The following COL4A5 variants were observed in gnomAD, a reference collection of about 807,000 sequenced individuals.
COL4A5 encodes the protein collagen type IV alpha 5 chain, also known as collagen alpha-5(IV) chain.
COL4A5 carries 26 observed loss-of-function variants against 130.2 expected under a neutral mutation model. The observed-to-expected ratio is 0.20, with a 90% CI of 0.15 to 0.28. The LOEUF is 0.28. COL4A5 is among the 10% of genes least tolerant of loss of function. The pLI, the probability that COL4A5 is intolerant of heterozygous loss-of-function variation, is 1.00. For missense variants in COL4A5, 1,131 were observed against 1,344.3 expected, an observed-to-expected ratio of 0.84 and a Z score of 2.48; for synonymous variants, 496 against 439.6, an observed-to-expected ratio of 1.13 and a Z score of -1.60.
Position 108,680,768 on chromosome X carries a change from T to A in COL4A5, c.4015+17T>A, listed in dbSNP as rs1443183679. On this transcript the variant is annotated intron_variant, in intron 45 of 52. Coordinates refer to ENST00000328300, the MANE Select transcript of COL4A5 (RefSeq NM_033380.3). ...GATTCCCAGGTATTTGAAGGGATTTTTGTGGTTTCCCTTTATATTAAACTC... is the reference window on the plus strand; with the variant it reads ...GATTCCCAGGTATTTGAAGGGATTTATGTGGTTTCCCTTTATATTAAACTC... 8.3e-7 allele frequency: 1 copy of A among 1,200,650 alleles called. No homozygotes were observed. Among genetic ancestry groups the A allele is most frequent in the Non-Finnish European group, 1.1e-6 (1 of 887,209 alleles).
At chrX:108,546,353 C>A (rs2065654052) in intron 2 of COL4A5, among the ~76,000 whole-genome samples, 1 of 111,658 alleles carries the variant, frequency 9.0e-6, no homozygotes, top group East Asian at 2.8e-4. Flanking sequence ...GATTTTATTT[C>A]TTCTTCACTT....
chrX:108,589,008 C>T (rs865989250), intron 19 of COL4A5, among the ~76,000 whole-genome samples: 32 of 111,126 alleles, frequency 2.9e-4, no homozygotes, highest in Admixed American at 2.9e-4. Flanking sequence ...ATGAGAATAG[C>T]GGTAGGATGC....
intron 30 of COL4A5, among the ~76,000 whole-genome samples, chrX:108,619,579 T>C (rs941637333): frequency 8.9e-6 from 1 of 112,104 alleles, no homozygotes; most frequent in Admixed American, 9.5e-5. Context: ...TGTCATTTTT[T>C]TTCTGTAAAA....
chrX:108,484,220 C>G (rs1312589173), intron 1 of COL4A5, among the ~76,000 whole-genome samples: 3 of 111,796 alleles, frequency 2.7e-5, no homozygotes, highest in African/African-American at 9.7e-5. Context: ...ATTATGAATT[C>G]CTTCTCTGTG....
At chrX:108,635,948 T>C (rs1243835841) in intron 36 of COL4A5, among the ~76,000 whole-genome samples, 1 of 112,008 alleles carries the variant, frequency 8.9e-6, no homozygotes, top group Non-Finnish European at 1.9e-5. Context: ...GATGCAAAGA[T>C]GGGACAATAA....
chrX:108,546,108 A>C (rs897393120), intron 2 of COL4A5, among the ~76,000 whole-genome samples: 2 of 111,893 alleles, frequency 1.8e-5, no homozygotes, highest in Admixed American at 1.9e-4. Flanking sequence ...GCCCATTTAC[A>C]TTCAATGTTA....
intron 2 of COL4A5, among the ~76,000 whole-genome samples, chrX:108,556,369 A>G (rs768859489): frequency 9.0e-6 from 1 of 111,385 alleles, no homozygotes; most frequent in Admixed American, 9.6e-5. Context: ...TCAAGTGAAG[A>G]TGTTTCAGAC....
intron 1 of COL4A5, among the ~76,000 whole-genome samples, chrX:108,458,202 T>C (rs775968542): frequency 1.1e-3 from 127 of 112,175 alleles, no homozygotes; most frequent in Non-Finnish European, 1.9e-3. Context: ...TTTTATAGTT[T>C]TTGCTTTTGA....
Position 108,697,512 on chromosome X carries a change from T to C in COL4A5, c.*1134T>C, listed in dbSNP as rs375602334. On this transcript the variant is annotated 3_prime_UTR_variant, in exon 53 of 53. Coordinates refer to ENST00000328300, the MANE Select transcript of COL4A5 (RefSeq NM_033380.3). The stretch of plus-strand genomic sequence containing the variant: ...ACTTAATGTTTTTTAAACCCACCAA[T>C]ATAAATTTAATTAAAGATATATGTT... 9.0e-6 allele frequency: 1 copy of C among 111,203 alleles called. No individual in the cohort carries two copies. The highest frequency in any genetic ancestry group is 3.3e-5 in the African/African-American group (1 of 30,661). The allele number at this position is 111,203 out of a possible 1,213,427, so 9.2% of individuals were successfully genotyped here.
At position 108,469,411 on chromosome X, in the gene COL4A5, C is replaced by A. The variant is rs942263049; in HGVS notation, c.81+29205C>A. On this transcript the variant is annotated intron_variant, in intron 1 of 52. Transcript: ENST00000328300. ...CCTCCTGCCTCGGTCTTCCAAAGTG[C>A]TGGGATTACAGGGATGAGTCATCAT... Among the ~76,000 whole-genome samples the A allele has an allele frequency of 1.9e-4, 21 of 110,290 alleles. No homozygotes were observed. The Admixed American group carries it at 2.0e-3, about 11-fold the overall frequency.
chrX:108,631,141 CTT>C (rs1172739713), intron 36 of COL4A5, among the ~76,000 whole-genome samples: 1 of 111,673 alleles, frequency 9.0e-6, no homozygotes, highest in Non-Finnish European at 1.9e-5. Flanking sequence ...AATGTGGGCT[CTT>C]TTTTGGTTCC....
In COL4A5 at chrX:108,696,757, A is replaced by G. The variant is rs1361153768; in HGVS notation, c.*379A>G. 7.7e-6 allele frequency: 1 copy of G among 130,104 alleles called. No individual in the cohort carries two copies. Among genetic ancestry groups the G allele is most frequent in the Non-Finnish European group, 1.5e-5 (1 of 64,930 alleles). The allele number at this position is 130,104 out of a possible 1,213,427, so 10.7% of individuals were successfully genotyped here. A position where few individuals can be genotyped will look rare whatever the true frequency, so the allele number is the denominator to read the frequency against. On this transcript the variant is annotated 3_prime_UTR_variant, in exon 53 of 53. Coordinates refer to ENST00000328300, the MANE Select transcript of COL4A5 (RefSeq NM_033380.3). ...AAGACTGCAGTTTGTGGGAAGAATT[A>G]TTTTTCACGGTGCTACTAATCCTGC...
intron 36 of COL4A5, among the ~76,000 whole-genome samples, chrX:108,652,868 G>T (rs1362955754): frequency 8.9e-6 from 1 of 112,115 alleles, no homozygotes; most frequent in Non-Finnish European, 1.9e-5. Flanking sequence ...TATTAGGTAT[G>T]AGATATTTCA....
chrX:108,566,338 G>A (rs1273491135), intron 4 of COL4A5, among the ~76,000 whole-genome samples: 1 of 109,126 alleles, frequency 9.2e-6, no homozygotes, highest in Non-Finnish European at 1.9e-5. Flanking sequence ...GCCTGTGAAA[G>A]CCTTTTAAAG....
At chrX:108,516,350 T>TA (rs1390575745) in intron 1 of COL4A5, among the ~76,000 whole-genome samples, 1 of 112,176 alleles carries the variant, frequency 8.9e-6, no homozygotes, top group Non-Finnish European at 1.9e-5. Flanking sequence ...CTGAAGTTTT[T>TA]ATTCTTATTA....
chrX:108,548,694 G>GA (rs2147693684), intron 2 of COL4A5, among the ~76,000 whole-genome samples: 1 of 110,941 alleles, frequency 9.0e-6, no homozygotes, highest in East Asian at 2.8e-4. Flanking sequence ...TGAAACTACT[G>GA]AAAAAATAGA....
intron 1 of COL4A5, among the ~76,000 whole-genome samples, chrX:108,510,908 C>T (rs1440157301): frequency 8.1e-5 from 9 of 111,391 alleles, no homozygotes; most frequent in Non-Finnish European, 1.5e-4. Flanking sequence ...TGTTTCAAAA[C>T]ATATTATGTG....
chrX:108,534,979 CTT>C (rs1401484977), intron 1 of COL4A5, among the ~76,000 whole-genome samples: 2 of 110,592 alleles, frequency 1.8e-5, no homozygotes, highest in Non-Finnish European at 3.8e-5. Context: ...TTCCATGTCT[CTT>C]AATGATTATT....
chrX:108,672,178 C>T (rs1188973887), intron 42 of COL4A5, among the ~76,000 whole-genome samples: 2 of 112,128 alleles, frequency 1.8e-5, no homozygotes, highest in African/African-American at 6.5e-5. Context: ...AAGATTAAGA[C>T]AGTGCATACT....
Sources: gnomAD v4.1 joint callset for allele counts (sites outside exome capture counted in the v4.1 genomes callset) on GRCh38, gnomAD v4.1.1 for gene constraint, MANE v1.5 for transcripts, NCBI Gene and HGNC (gene_info 2026-07-23, HGNC 2026-07-21) for gene names.